GRIA3: variants seen among roughly 807,000 people sequenced by gnomAD.
GRIA3 encodes the protein glutamate ionotropic receptor AMPA type subunit 3.
Under a neutral mutation model 63.0 loss-of-function variants are expected in GRIA3, and 3 were observed. That is an observed-to-expected ratio of 0.05 (90% CI 0.02 to 0.12). The LOEUF is 0.12. Among genes scored for constraint, GRIA3 ranks in the 10% least tolerant of loss-of-function variants. The probability of loss-of-function intolerance (pLI) is 1.00; values close to 1 mark genes in which losing one functional copy is unlikely to be tolerated. For missense variants in GRIA3, 347 were observed against 700.9 expected (o/e 0.50, Z 5.70); for synonymous variants, 274 against 257.9 (o/e 1.06, Z -0.60).
At chrX:123,366,565 T>C (rs1382770023) in intron 5 of GRIA3, among the ~76,000 whole-genome samples, 2 of 111,773 alleles carry the variant, frequency 1.8e-5, no homozygotes, top group Non-Finnish European at 3.8e-5. Flanking sequence ...TAAGAGAACA[T>C]TGAGTAAGCT....
intron 10 of GRIA3, among the ~76,000 whole-genome samples, chrX:123,411,380 T>A (rs958222576): frequency 4.5e-5 from 5 of 111,983 alleles, no homozygotes; most frequent in Admixed American, 3.8e-4. Context: ...TCATTCGTAG[T>A]CTCATGGTGG....
chrX:123,476,852 CG>C (rs2045889350), intron 13 of GRIA3, among the ~76,000 whole-genome samples: 1 of 111,277 alleles, frequency 9.0e-6, no homozygotes, highest in Admixed American at 9.6e-5. Flanking sequence ...TAGCATCTCC[CG>C]GCCCCGACCC....
At position 123,380,732 on chromosome X, in the gene GRIA3, C is replaced by T. The variant is rs2045319353; in HGVS notation, c.751-14236C>T. Among the ~76,000 whole-genome samples, 3 of 111,780 alleles carry T rather than the reference C, an allele frequency of 2.7e-5. No homozygotes were observed. The South Asian group carries it at 1.1e-3, about 42-fold the overall frequency. ...TGAAGTCCTTGCCCATGCCTATGTC[C>T]TGAATTGTATTGCCTAGGTTTTCTT... is the stretch of plus-strand genomic sequence containing the variant. On this transcript the variant is annotated intron_variant, in intron 5 of 15. Transcript: ENST00000620443.
At chrX:123,453,019 G>C (rs990576982) in intron 12 of GRIA3, among the ~76,000 whole-genome samples, 1 of 112,244 alleles carries the variant, frequency 8.9e-6, no homozygotes, top group African/African-American at 3.2e-5. Context: ...AATACCATTT[G>C]AGCCAGCCAT....
chrX:123,406,358 G>T (rs2045473940), intron 10 of GRIA3, among the ~76,000 whole-genome samples: 1 of 111,945 alleles, frequency 8.9e-6, no homozygotes, highest in Non-Finnish European at 1.9e-5. Context: ...AGAAGCTCCA[G>T]CTGGCAAGAA....
At chrX:123,279,562 T>C (rs972968884) in intron 3 of GRIA3, among the ~76,000 whole-genome samples, 2 of 111,797 alleles carry the variant, frequency 1.8e-5, no homozygotes, top group African/African-American at 6.5e-5. Flanking sequence ...CTTTCTCCTT[T>C]CATATGGAAT....
At chrX:123,210,175 CTTT>C (rs200522754) in intron 2 of GRIA3, among the ~76,000 whole-genome samples, 109 of 92,310 alleles carry the variant, frequency 1.2e-3, no homozygotes, top group East Asian at 4.8e-3. Flanking sequence ...CAACCTGCTC[CTTT>C]TTTTTTTTTT....
chrX:123,452,560 C>T (rs1018048695), intron 12 of GRIA3, among the ~76,000 whole-genome samples: 4 of 111,559 alleles, frequency 3.6e-5, no homozygotes, highest in Non-Finnish European at 7.5e-5. Context: ...AACATTTTCC[C>T]GCTCATTTCC....
chrX:123,290,586 C>CTGTGTG lies in GRIA3; in HGVS notation c.509-35402_509-35397dup, dbSNP rs761564682. 3.2e-3 allele frequency among the ~76,000 whole-genome samples: 291 copies of CTGTGTG among 90,184 alleles called. 2 individuals are homozygous for CTGTGTG. Among genetic ancestry groups the CTGTGTG allele is most frequent in the Non-Finnish European group, 3.5e-3 (157 of 44,650 alleles). 78.3% of individuals were successfully genotyped at this position (90,184 alleles called of 115,157 possible). ...TCTCTTGCTCCCTCTCCTCAAAGGA[C>CTGTGTG]TGTGTGTGTGTGTGTGTGTGTGTGT... is the stretch of plus-strand genomic sequence containing the variant. On this transcript the variant is annotated intron_variant, in intron 3 of 15. Coordinates refer to ENST00000620443, the MANE Select transcript of GRIA3 (RefSeq NM_007325.5).
At chrX:123,451,074 A>C (rs1031697082) in intron 12 of GRIA3, among the ~76,000 whole-genome samples, 3 of 111,991 alleles carry the variant, frequency 2.7e-5, no homozygotes, top group Admixed American at 1.9e-4. Flanking sequence ...ATTCTGGATT[A>C]TATTCTGTTT....
chrX:123,213,450 G>A (rs1928088046), intron 2 of GRIA3, among the ~76,000 whole-genome samples: 1 of 112,390 alleles, frequency 8.9e-6, no homozygotes, highest in South Asian at 3.7e-4. Context: ...AGGATACAAA[G>A]AAGTTAAGAA....
At chrX:123,310,951 C>T (rs775108538) in intron 3 of GRIA3, among the ~76,000 whole-genome samples, 17 of 107,469 alleles carry the variant, frequency 1.6e-4, no homozygotes, top group East Asian at 8.7e-4. Flanking sequence ...TGCAGTGAGC[C>T]GAGATCATGC....
chrX:123,334,629 G>T, intron 4 of GRIA3, among the ~76,000 whole-genome samples: 1 of 111,044 alleles, frequency 9.0e-6, no homozygotes, highest in East Asian at 2.8e-4. Flanking sequence ...AGGTTTGGGG[G>T]GTTTTATTTT....
At chrX:123,368,422 C>T (rs968567631) in intron 5 of GRIA3, among the ~76,000 whole-genome samples, 3 of 111,021 alleles carry the variant, frequency 2.7e-5, no homozygotes, top group African/African-American at 6.6e-5. Flanking sequence ...TTTTACCTCT[C>T]GGGTCTGGGT....
At chrX:123,372,143 C>A (rs2045251064) in intron 5 of GRIA3, among the ~76,000 whole-genome samples, 1 of 111,833 alleles carries the variant, frequency 8.9e-6, no homozygotes, top group African/African-American at 3.2e-5. Context: ...TGTCTTTTCC[C>A]CAATATATGT....
intron 10 of GRIA3, among the ~76,000 whole-genome samples, chrX:123,413,409 C>T (rs1420359653): frequency 9.3e-6 from 1 of 107,401 alleles, no homozygotes; most frequent in African/African-American, 3.4e-5. Flanking sequence ...AGAAATGATA[C>T]TAGAGGGGTA....
chrX:123,244,762 C>G (rs1413506384), intron 2 of GRIA3, among the ~76,000 whole-genome samples: 1 of 112,069 alleles, frequency 8.9e-6, no homozygotes, highest in East Asian at 2.8e-4. Flanking sequence ...AAACATCTTA[C>G]AATGCACAGG....
intron 3 of GRIA3, among the ~76,000 whole-genome samples, chrX:123,256,080 A>G (rs976614655): frequency 1.7e-4 from 19 of 111,506 alleles, no homozygotes; most frequent in Admixed American, 5.7e-4. Context: ...TGCCTCAGCA[A>G]TCGTACTTTT....
At chrX:123,478,701 G>T (rs1306161591) in intron 13 of GRIA3, among the ~76,000 whole-genome samples, 1 of 112,258 alleles carries the variant, frequency 8.9e-6, no homozygotes, top group Non-Finnish European at 1.9e-5. Flanking sequence ...GGATATGTTA[G>T]TGGGTCCAAC....
Sources: gnomAD v4.1 joint callset for allele counts (sites outside exome capture counted in the v4.1 genomes callset) on GRCh38, gnomAD v4.1.1 for gene constraint, MANE v1.5 for transcripts, NCBI Gene and HGNC (gene_info 2026-07-23, HGNC 2026-07-21) for gene names.